The following PILRB variants were observed in gnomAD, a reference collection of about 807,000 sequenced individuals.
The protein encoded by PILRB is paired immunoglobin like type 2 receptor beta, also known as paired immunoglobulin-like type 2 receptor beta.
In PILRB, 21 loss-of-function variants were observed where a neutral mutation model predicts 20.5. That is an observed-to-expected ratio of 1.02 (90% CI 0.72 to 1.47). The LOEUF is 1.47. Among genes scored for constraint, PILRB ranks in the 40% most tolerant of loss-of-function variants. The probability of loss-of-function intolerance (pLI) is 0.00; values close to 1 mark genes in which losing one functional copy is unlikely to be tolerated. For synonymous variants in PILRB, 133 were observed against 115.1 expected (o/e 1.16, Z -0.99); for missense variants, 253 against 272.1 (o/e 0.93, Z 0.49).
At chr7:100,366,007 G>A (rs1790673876) in intron 3 of PILRB, among the ~76,000 whole-genome samples, 1 of 147,002 alleles carries the variant, frequency 6.8e-6, no homozygotes, top group Non-Finnish European at 1.5e-5. Context: ...AGGCTGGAGT[G>A]CAGTGGTGCG....
chr7:100,361,917 A>G (rs972243731), intron 3 of PILRB, among the ~76,000 whole-genome samples: 5 of 152,160 alleles, frequency 3.3e-5, no homozygotes, highest in Non-Finnish European at 2.9e-5. Context: ...CAGTATGACC[A>G]CCAAACCCAG....
In PILRB at chr7:100,366,531, C is replaced by T. The variant is rs1015721624; in HGVS notation, c.656-818C>T. ...AAGGATGCCAGGGGGACAAGAGGGG[C>T]AGGGCACAGTGGGAGAGGCAGCAGA... On this transcript the variant is annotated intron_variant, in intron 3 of 3. Coordinates refer to ENST00000609309, the MANE Select transcript of PILRB (RefSeq NM_178238.4). Among the ~76,000 whole-genome samples the T allele has an allele frequency of 4.0e-5, 6 of 151,884 alleles. No homozygotes were observed. The South Asian group carries it at 1.2e-3, about 32-fold the overall frequency.
intron 3 of PILRB, among the ~76,000 whole-genome samples, chr7:100,361,775 G>C (rs545182375): frequency 6.6e-6 from 1 of 152,222 alleles, no homozygotes; most frequent in African/African-American, 2.4e-5. Flanking sequence ...ACATGGAGTA[G>C]GGGCTGCCTG....
chr7:100,364,308 TAACTC>T (rs1248163134), intron 3 of PILRB, among the ~76,000 whole-genome samples: 4 of 152,148 alleles, frequency 2.6e-5, no homozygotes, highest in Non-Finnish European at 4.4e-5. Flanking sequence ...GCCAAAAAAT[TAACTC>T]AAAATGGATT....
At chr7:100,359,136 C>G (rs1400354177) in intron 2 of PILRB, 57 bp downstream of exon 2, 1 of 1,603,610 alleles carries the variant, frequency 6.2e-7, no homozygotes, top group African/African-American at 1.3e-5. Flanking sequence ...TTTTGGTGAC[C>G]ACTGATGTCT....
chr7:100,358,667 C>A (rs2906644), intron 1 of PILRB, 23 bp from the exon 2 acceptor site: 23 of 1,609,632 alleles, frequency 1.4e-5, no homozygotes, highest in South Asian at 5.5e-5. Flanking sequence ...GTCTCTCCCC[C>A]ACTCACTCCC....
chr7:100,366,180 C>T (rs1234337198), intron 3 of PILRB, among the ~76,000 whole-genome samples: 3 of 152,130 alleles, frequency 2.0e-5, no homozygotes, highest in African/African-American at 7.2e-5. Context: ...TCTCGAACTC[C>T]TGACCTCAGG....
rs1790734179 is a variant in PILRB, at chr7:100,367,601, A to C, written c.*224A>C. The stretch of plus-strand genomic sequence containing the variant: ...CTTCATCCAGGAGCATCCACACTGC[A>C]ATGATATAGGAATGAGGTCTGAACT... On this transcript the variant is annotated 3_prime_UTR_variant, in exon 4 of 4. Transcript: ENST00000609309. 3.4e-6 allele frequency: 2 copies of C among 583,460 alleles called. No individual in the cohort carries two copies. Among genetic ancestry groups the C allele is most frequent in the Non-Finnish European group, 6.2e-6 (2 of 324,008 alleles). 36.1% of individuals were successfully genotyped at this position (583,460 alleles called of 1,614,324 possible). A position where few individuals can be genotyped will look rare whatever the true frequency, so the allele number is the denominator to read the frequency against.
At chr7:100,364,560 C>A (rs1311506514) in intron 3 of PILRB, among the ~76,000 whole-genome samples, 1 of 152,126 alleles carries the variant, frequency 6.6e-6, no homozygotes, top group African/African-American at 2.4e-5. Context: ...AACGATAGAT[C>A]AACTGGAAAT....
chr7:100,363,828 G>A (rs1790598258), intron 3 of PILRB, among the ~76,000 whole-genome samples: 1 of 152,140 alleles, frequency 6.6e-6, no homozygotes, highest in Non-Finnish European at 1.5e-5. Context: ...GACATAAATA[G>A]GCCAGGTGCA....
chr7:100,361,846 G>A (rs1790536164), intron 3 of PILRB, among the ~76,000 whole-genome samples: 1 of 152,152 alleles, frequency 6.6e-6, no homozygotes, highest in Non-Finnish European at 1.5e-5. Flanking sequence ...CAAAGGTTGT[G>A]TGCCTCAACT....
At chr7:100,358,468 C>A in intron 1 of PILRB, 102 bp downstream of exon 1, 3 of 1,429,578 alleles carry the variant, frequency 2.1e-6, no homozygotes, top group Non-Finnish European at 2.9e-6. Context: ...AGGCTCCCAC[C>A]TCCAGCAAAC....
intron 3 of PILRB, among the ~76,000 whole-genome samples, chr7:100,361,704 AAAG>A (rs1388686893): frequency 3.3e-5 from 5 of 152,186 alleles, no homozygotes; most frequent in South Asian, 2.1e-4. Flanking sequence ...AAAAAGTAAA[AAAG>A]AAAGTCTTCA....
chr7:100,363,270 A>G (rs1790584184), intron 3 of PILRB, among the ~76,000 whole-genome samples: 1 of 152,220 alleles, frequency 6.6e-6, no homozygotes, highest in Non-Finnish European at 1.5e-5. Flanking sequence ...TCTCATATGT[A>G]GAAAATCCTA....
intron 3 of PILRB, 86 bp downstream of exon 3, chr7:100,359,623 A>C (rs564590297): frequency 1.7e-6 from 2 of 1,153,338 alleles, no homozygotes; most frequent in South Asian, 1.3e-5. Context: ...CTTCAGAAAT[A>C]TGCAGACCCT....
In PILRB at chr7:100,367,428, G is replaced by A. The variant is rs779272996; in HGVS notation, c.*51G>A. 2.6e-6 allele frequency: 2 copies of A among 779,514 alleles called. No homozygotes were observed. The highest frequency in any genetic ancestry group is 3.4e-5 in the Admixed American group (2 of 59,004). 48.3% of individuals were successfully genotyped at this position (779,514 alleles called of 1,614,324 possible). A position where few individuals can be genotyped will look rare whatever the true frequency, so the allele number is the denominator to read the frequency against. The stretch of plus-strand genomic sequence containing the variant: ...GTGTATTAGCCCCGGAGGACGTGAT[G>A]TGAGACCCGCTTGTGAGTCCTCCAC... On this transcript the variant is annotated 3_prime_UTR_variant, in exon 4 of 4. Transcript: ENST00000609309.
chr7:100,365,826 A>C (rs1180696963), intron 3 of PILRB, among the ~76,000 whole-genome samples: 2 of 152,100 alleles, frequency 1.3e-5, no homozygotes, highest in Non-Finnish European at 2.9e-5. Context: ...TCAAAAAAAG[A>C]ACTTTTGGGT....
intron 3 of PILRB, among the ~76,000 whole-genome samples, chr7:100,363,230 C>T (rs906752062): frequency 2.0e-5 from 3 of 150,886 alleles, no homozygotes; most frequent in African/African-American, 7.3e-5. Context: ...AAGGAACAAG[C>T]AAAATGATCT....
At chr7:100,365,952 T>TGG (rs1790671485) in intron 3 of PILRB, among the ~76,000 whole-genome samples, 1 of 147,554 alleles carries the variant, frequency 6.8e-6, no homozygotes, top group African/African-American at 2.5e-5. Context: ...CTAGGTGGTT[T>TGG]TTTTTTTTTT....
Sources: allele counts gnomAD v4.1 joint callset (sites outside exome capture counted in the v4.1 genomes callset), GRCh38; gene constraint gnomAD v4.1.1; transcripts MANE v1.5; gene names NCBI Gene and HGNC (gene_info 2026-07-23, HGNC 2026-07-21).